Variants in RAB31 observed in about 807,000 individuals in gnomAD.
RAB31 encodes the protein RAB31, member RAS oncogene family.
A neutral mutation model predicts 25.6 loss-of-function variants in RAB31; 21 were observed. The ratio of observed to expected loss-of-function variants is 0.82; its 90% CI spans 0.58 to 1.18. The LOEUF (loss-of-function observed/expected upper bound fraction) is 1.18, where lower values mean the gene tolerates loss of function less well. RAB31 is among the 50% of genes most tolerant of loss of function. The probability of loss-of-function intolerance (pLI) is 0.00; values close to 1 mark genes in which losing one functional copy is unlikely to be tolerated. For missense variants in RAB31, 196 were observed against 250.1 expected (o/e 0.78, Z 1.46); for synonymous variants, 87 against 84.0 (o/e 1.04, Z -0.20).
intron 1 of RAB31, among the ~76,000 whole-genome samples, chr18:9,767,339 T>C (rs1244482019): frequency 6.6e-6 from 1 of 152,268 alleles, no homozygotes; most frequent in Non-Finnish European, 1.5e-5. Context: ...GTTAGTGTTA[T>C]TTCCTGTCCA....
chr18:9,782,246 G>T (rs2068408935), intron 2 of RAB31, among the ~76,000 whole-genome samples: 5 of 152,208 alleles, frequency 3.3e-5, no homozygotes, highest in African/African-American at 1.2e-4. Flanking sequence ...CTGCCTTCTT[G>T]GCGGTAACCC....
intron 6 of RAB31, among the ~76,000 whole-genome samples, chr18:9,845,985 G>A (rs1196516991): frequency 3.9e-5 from 6 of 152,178 alleles, no homozygotes; most frequent in Non-Finnish European, 8.8e-5. Flanking sequence ...GCATTCTGTA[G>A]CATTTTATGT....
At chr18:9,837,653 G>A (rs2068712361) in intron 5 of RAB31, among the ~76,000 whole-genome samples, 1 of 152,202 alleles carries the variant, frequency 6.6e-6, no homozygotes, top group South Asian at 2.1e-4. Flanking sequence ...CCTGGGCAGA[G>A]AACATGTACA....
chr18:9,849,707 C>T (rs563110786), intron 6 of RAB31: 12 of 152,274 alleles, frequency 7.9e-5, no homozygotes, highest in African/African-American at 2.7e-4. Flanking sequence ...AAGGCCTCCC[C>T]GGGGAAATGA....
At chr18:9,790,420 A>G (rs1266417590) in intron 2 of RAB31, among the ~76,000 whole-genome samples, 2 of 151,778 alleles carry the variant, frequency 1.3e-5, no homozygotes, top group Non-Finnish European at 2.9e-5. Context: ...TTTTTTTGTA[A>G]AGAAGGAGTC....
At chr18:9,762,312 T>C (rs1240204258) in intron 1 of RAB31, among the ~76,000 whole-genome samples, 1 of 152,214 alleles carries the variant, frequency 6.6e-6, no homozygotes, top group Admixed American at 6.5e-5. Context: ...TCAGGAACAG[T>C]AAAGATTGTC....
chr18:9,839,538 C>T (rs551684860), intron 5 of RAB31, among the ~76,000 whole-genome samples: 2 of 152,036 alleles, frequency 1.3e-5, no homozygotes, highest in South Asian at 2.1e-4. Flanking sequence ...GCAGAGGCAG[C>T]GGATTGGCAG....
At chr18:9,761,806 GTTTATTTA>G (rs1057200489) in intron 1 of RAB31, among the ~76,000 whole-genome samples, 2 of 152,104 alleles carry the variant, frequency 1.3e-5, no homozygotes, top group Admixed American at 6.6e-5. Context: ...TCTTTCATTT[GTTTATTTA>G]TTTATTTATT....
rs36009427 is a variant in RAB31 at position 9,777,754 on chromosome 18, CTT to C, written c.119+2414_119+2415del. Among the ~76,000 whole-genome samples, 600 of 113,902 alleles carry C rather than the reference CTT, an allele frequency of 5.3e-3. 4 individuals carry two copies. Among genetic ancestry groups the C allele is most frequent in the African/African-American group, 0.014 (386 of 27,270 alleles). The allele number at this position is 113,902 out of a possible 152,430, so 74.7% of individuals were successfully genotyped here. A position where few individuals can be genotyped will look rare whatever the true frequency, so the allele number is the denominator to read the frequency against. On this transcript the variant is annotated intron_variant, in intron 2 of 6. Coordinates refer to ENST00000578921, the MANE Select transcript of RAB31 (RefSeq NM_006868.4). ...TAAAATAAAATCTTTTTGTAATGAC[CTT>C]TTTTTTTTTTTTTTTTGAGACGGCG...
chr18:9,845,077 T>A (rs532500466), intron 5 of RAB31, among the ~76,000 whole-genome samples: 1 of 152,212 alleles, frequency 6.6e-6, no homozygotes, highest in Non-Finnish European at 1.5e-5. Context: ...AGTCCAGATA[T>A]GCCATCCTGT....
chr18:9,732,783 A>G (rs1484837323), intron 1 of RAB31, among the ~76,000 whole-genome samples: 1 of 152,196 alleles, frequency 6.6e-6, no homozygotes, highest in East Asian at 1.9e-4. Flanking sequence ...TGCTTTCCTC[A>G]TGCAACAGTA....
rs1555689578 is a variant in RAB31 at position 9,809,039 on chromosome 18, G to GT, written c.202-4981_202-4980insT. 3.1e-4 allele frequency among the ~76,000 whole-genome samples: 34 copies of GT among 111,204 alleles called. No individual in the cohort carries two copies. The South Asian group carries it at 0.012, about 41-fold the overall frequency. The allele number at this position is 111,204 out of a possible 152,430, so 73.0% of individuals were successfully genotyped here. A position where few individuals can be genotyped will look rare whatever the true frequency, so the allele number is the denominator to read the frequency against. On this transcript the variant is annotated intron_variant, in intron 3 of 6. Coordinates refer to ENST00000578921, the MANE Select transcript of RAB31 (RefSeq NM_006868.4). ...AAGACTTTCCACTGTGCTGCTGAGG[G>GT]GTGTGTGTGTGTGTGTGCGCGCGCA... is the stretch of plus-strand genomic sequence containing the variant.
intron 6 of RAB31, among the ~76,000 whole-genome samples, chr18:9,846,936 T>A (rs653832): frequency 7.9e-5 from 12 of 151,572 alleles, no homozygotes; most frequent in Admixed American, 3.9e-4. Context: ...GTCTTCACTC[T>A]CTTCCCTTCT....
chr18:9,760,823 C>T (rs569845461), intron 1 of RAB31, among the ~76,000 whole-genome samples: 1 of 152,278 alleles, frequency 6.6e-6, no homozygotes, highest in African/African-American at 2.4e-5. Context: ...TGTTAGGTTC[C>T]CTGTTGAGTC....
intron 4 of RAB31, 89 bp downstream of exon 4, chr18:9,814,180 T>G (rs1024508585): frequency 1.2e-5 from 11 of 950,678 alleles, no homozygotes; most frequent in Non-Finnish European, 1.6e-5. Flanking sequence ...TGCTTGCATC[T>G]TGCCAGTAGC....
chr18:9,770,351 T>A (rs750785397), intron 1 of RAB31, among the ~76,000 whole-genome samples: 1 of 152,224 alleles, frequency 6.6e-6, no homozygotes, highest in Non-Finnish European at 1.5e-5. Context: ...CAGGAATGAA[T>A]CAAGTGTTAG....
intron 6 of RAB31, among the ~76,000 whole-genome samples, chr18:9,849,936 G>A (rs1196905337): frequency 6.6e-6 from 1 of 152,202 alleles, no homozygotes; most frequent in Non-Finnish European, 1.5e-5. Context: ...AGCTTTTAAA[G>A]CAGGAGTGCA....
chr18:9,781,755 A>C (rs1469257058), intron 2 of RAB31, among the ~76,000 whole-genome samples: 2 of 152,206 alleles, frequency 1.3e-5, no homozygotes, highest in African/African-American at 4.8e-5. Flanking sequence ...TTTTGAGAAA[A>C]TGTTTTCAAA....
rs967769890 is a variant in RAB31 at position 9,814,838 on chromosome 18, A to G, written c.274-278A>G. The G allele has an allele frequency of 1.5e-5, 4 of 269,782 alleles. No homozygotes were observed. In the South Asian group the frequency reaches 1.7e-4, roughly 12 times the overall value. The allele number at this position is 269,782 out of a possible 1,614,324, so 16.7% of individuals were successfully genotyped here. A position where few individuals can be genotyped will look rare whatever the true frequency, so the allele number is the denominator to read the frequency against. On this transcript the variant is annotated intron_variant, in intron 4 of 6. Transcript: ENST00000578921. Reference sequence around the variant, plus strand: ...TGTTATTCTTATTCATGTGGAGTCCAGGCTATCATTTTAAATTAATGTTAT... The same window carrying G: ...TGTTATTCTTATTCATGTGGAGTCCGGGCTATCATTTTAAATTAATGTTAT...
Sources: allele counts gnomAD v4.1 joint callset (sites outside exome capture counted in the v4.1 genomes callset), GRCh38; gene constraint gnomAD v4.1.1; transcripts MANE v1.5; gene names NCBI Gene and HGNC (gene_info 2026-07-23, HGNC 2026-07-21).